MAPRE2: variants seen among roughly 807,000 people sequenced by gnomAD.
The protein encoded by MAPRE2 is microtubule associated protein RP/EB family member 2.
MAPRE2 carries 13 observed loss-of-function variants against 43.2 expected under a neutral mutation model. That is an observed-to-expected ratio of 0.30 (90% CI 0.20 to 0.48). The LOEUF (loss-of-function observed/expected upper bound fraction) is 0.48. MAPRE2 is among the 20% of genes least tolerant of loss of function. The pLI is 0.99. For missense variants in MAPRE2, 161 were observed against 400.2 expected, an observed-to-expected ratio of 0.40 and a Z score of 5.10; for synonymous variants, 135 against 148.8, an observed-to-expected ratio of 0.91 and a Z score of 0.68.
In MAPRE2 at chr18:35,082,158, C is replaced by T. The variant is rs2144129926; in HGVS notation, c.250+11836C>T. 1.8e-5 allele frequency: 2 copies of T among 111,884 alleles called. 1 individual carries two copies. The highest frequency in any genetic ancestry group is 6.0e-4 in the South Asian group (2 of 3,358). The allele number at this position is 111,884 out of a possible 1,614,324, so 6.9% of individuals were successfully genotyped here. On this transcript the variant is annotated intron_variant, in intron 2 of 6. Coordinates refer to ENST00000300249, the MANE Select transcript of MAPRE2 (RefSeq NM_014268.4). ...ACAAAAAATTAGCCGGGCGTAGTGG[C>T]GGGCGCCTGTAGTCCCAGCTACTTG...
In MAPRE2 at chr18:35,063,943, A is replaced by G. The variant is rs1325912405; in HGVS notation, c.123-6252A>G. 1.3e-4 allele frequency among the ~76,000 whole-genome samples: 18 copies of G among 138,046 alleles called. No individual in the cohort carries two copies. The Admixed American group carries it at 1.4e-3, about 11-fold the overall frequency. 90.6% of individuals were successfully genotyped at this position (138,046 alleles called of 152,430 possible). The stretch of plus-strand genomic sequence containing the variant: ...AGCCCAGGAGATTGAGCCTGCAGTG[A>G]GCTATGATGGCACCACTGCACTCCA... On this transcript the variant is annotated intron_variant, in intron 1 of 6. Transcript: ENST00000300249.
In MAPRE2 at chr18:35,036,404, G is replaced by A. The variant is rs183557303; in HGVS notation, c.-8+30851G>A. On this transcript the variant is annotated intron_variant, in intron 2 of 7. Transcript: ENST00000413393. ...TTTTTGTTATGGTGCAAGTGTCACCGTAAATTTCCCTTCCTATGGCACTTT... is the reference window on the plus strand; with the variant it reads ...TTTTTGTTATGGTGCAAGTGTCACCATAAATTTCCCTTCCTATGGCACTTT... 7.2e-5 allele frequency among the ~76,000 whole-genome samples: 11 copies of A among 152,228 alleles called. No individual in the cohort carries two copies. The East Asian group carries it at 7.7e-4, about 11-fold the overall frequency.
intron 2 of MAPRE2, among the ~76,000 whole-genome samples, chr18:35,077,612 C>G (rs1231834415): frequency 2.0e-5 from 3 of 152,148 alleles, no homozygotes; most frequent in Non-Finnish European, 2.9e-5. Flanking sequence ...AAAGCCTCAT[C>G]ATTGATTTCA....
At chr18:35,000,716 C>CA (rs769783818) in intron 1 of MAPRE2, among the ~76,000 whole-genome samples, 2 of 152,130 alleles carry the variant, frequency 1.3e-5, no homozygotes, top group Non-Finnish European at 2.9e-5. Context: ...AGCCATAAGC[C>CA]AGAGAAAGCA....
chr18:35,068,630 C>T (rs151273585), intron 1 of MAPRE2, among the ~76,000 whole-genome samples: 5 of 152,324 alleles, frequency 3.3e-5, no homozygotes, highest in African/African-American at 1.2e-4. Context: ...AGGCACCTCT[C>T]CTGCCTTTCC....
intron 4 of MAPRE2, among the ~76,000 whole-genome samples, chr18:35,112,320 C>T (rs568220414): frequency 2.0e-5 from 3 of 151,938 alleles, no homozygotes; most frequent in East Asian, 1.9e-4. Flanking sequence ...TACAGGCATG[C>T]GCCACCATGC....
At chr18:35,060,825 T>G (rs1158131596) in intron 1 of MAPRE2, among the ~76,000 whole-genome samples, 1 of 152,174 alleles carries the variant, frequency 6.6e-6, no homozygotes, top group Non-Finnish European at 1.5e-5. Flanking sequence ...TAAATAACAA[T>G]GAGGCTGTTA....
chr18:35,031,251 C>T (rs890889389), intron 2 of MAPRE2, among the ~76,000 whole-genome samples: 2 of 152,202 alleles, frequency 1.3e-5, no homozygotes, highest in Admixed American at 1.3e-4. Flanking sequence ...TTGTTCCTAG[C>T]ACATAGTAAG....
intron 4 of MAPRE2, among the ~76,000 whole-genome samples, chr18:35,113,631 G>T (rs1331330842): frequency 6.6e-6 from 1 of 152,242 alleles, no homozygotes; most frequent in Non-Finnish European, 1.5e-5. Flanking sequence ...CCAGGCACAT[G>T]CCTGTAGTCC....
chr18:35,028,359 C>T (rs2150590907), intron 2 of MAPRE2, among the ~76,000 whole-genome samples: 1 of 152,308 alleles, frequency 6.6e-6, no homozygotes, highest in Non-Finnish European at 1.5e-5. Context: ...GGTTACACAA[C>T]TTGTAAGCAC....
chr18:35,136,535 G>T (rs1039024175), intron 6 of MAPRE2, among the ~76,000 whole-genome samples: 5 of 152,242 alleles, frequency 3.3e-5, no homozygotes, highest in Non-Finnish European at 7.3e-5. Flanking sequence ...ACCACGCAGA[G>T]ACTTCACAGC....
chr18:35,140,284 C>G lies in MAPRE2; in HGVS notation c.910-11C>G. ...CAATTATCTCAGCTGAAACTTCTCC[C>G]CTGCCCACAGGAGGGCCACACAGAA... is the stretch of plus-strand genomic sequence containing the variant. On this transcript the variant is annotated splice_polypyrimidine_tract_variant and intron_variant, in intron 6 of 6. Coordinates refer to ENST00000300249, the MANE Select transcript of MAPRE2 (RefSeq NM_014268.4). 1 of 1,612,240 alleles carries G rather than the reference C, an allele frequency of 6.2e-7. No individual in the cohort carries two copies. The highest frequency in any genetic ancestry group is 8.5e-7 in the Non-Finnish European group (1 of 1,179,026).
At chr18:35,027,478 C>T (rs1311346522) in intron 2 of MAPRE2, among the ~76,000 whole-genome samples, 1 of 152,120 alleles carries the variant, frequency 6.6e-6, no homozygotes, top group Non-Finnish European at 1.5e-5. Flanking sequence ...TAAAAGGCAA[C>T]GTCAGCCACC....
At chr18:34,977,731 C>T (rs1290869192) in intron 1 of MAPRE2, among the ~76,000 whole-genome samples, 1 of 152,214 alleles carries the variant, frequency 6.6e-6, no homozygotes, top group African/African-American at 2.4e-5. Flanking sequence ...TGTTATTCTG[C>T]GCCCAAGCAT....
intron 2 of MAPRE2, among the ~76,000 whole-genome samples, chr18:35,011,373 AG>A (rs1359350556): frequency 2.0e-5 from 3 of 152,236 alleles, no homozygotes; most frequent in Non-Finnish European, 4.4e-5. Flanking sequence ...AAAGATCTGG[AG>A]GGAAAATAAG....
intron 2 of MAPRE2, among the ~76,000 whole-genome samples, chr18:35,093,278 A>T (rs950291334): frequency 6.6e-6 from 1 of 150,960 alleles, no homozygotes; most frequent in South Asian, 2.1e-4. Context: ...AATTGTTGGC[A>T]TGGATTTGGA....
intron 2 of MAPRE2, among the ~76,000 whole-genome samples, chr18:35,090,731 C>CAAAAAAAAAAA (rs56812109): frequency 2.7e-5 from 3 of 110,372 alleles, no homozygotes; most frequent in Non-Finnish European, 3.9e-5. Context: ...GATTCGGTCT[C>CAAAAAAAAAAA]AAAAAAAAAA....
At chr18:34,992,860 T>C (rs991912124) in intron 1 of MAPRE2, among the ~76,000 whole-genome samples, 1 of 151,358 alleles carries the variant, frequency 6.6e-6, no homozygotes, top group Non-Finnish European at 1.5e-5. Flanking sequence ...CTCAGAAAAC[T>C]TCCTGAGCTC....
chr18:35,021,111 T>C (rs982983683), intron 2 of MAPRE2, among the ~76,000 whole-genome samples: 4 of 152,146 alleles, frequency 2.6e-5, no homozygotes, highest in African/African-American at 9.7e-5. Flanking sequence ...AGAGAGAACC[T>C]GGTACTTTAG....
Sources: allele counts gnomAD v4.1 joint callset (sites outside exome capture counted in the v4.1 genomes callset), GRCh38; gene constraint gnomAD v4.1.1; transcripts MANE v1.5; gene names NCBI Gene and HGNC (gene_info 2026-07-23, HGNC 2026-07-21).